Variants in ELMO1 observed in about 807,000 individuals in gnomAD.
ELMO1 encodes engulfment and cell motility protein 1.
Under a neutral mutation model 98.9 loss-of-function variants are expected in ELMO1, and 26 were observed. The observed-to-expected ratio is 0.26, with a 90% CI of 0.19 to 0.36. ELMO1 has a LOEUF of 0.36. Ranked by LOEUF, ELMO1 falls within the 10% of genes least tolerant of loss-of-function variation. ELMO1 has a pLI of 1.00. For synonymous variants in ELMO1, 346 were observed against 346.0 expected (o/e 1.00, Z 0.00); for missense variants, 627 against 935.2 (o/e 0.67, Z 4.30).
chr7:37,039,289 C>T (rs1179689197), intron 15 of ELMO1, among the ~76,000 whole-genome samples: 1 of 152,154 alleles, frequency 6.6e-6, no homozygotes, highest in African/African-American at 2.4e-5. Flanking sequence ...TTTCAAAATG[C>T]TGACATTCTT....
At chr7:37,218,358 C>CTT (rs1212314528) in intron 10 of ELMO1, among the ~76,000 whole-genome samples, 10 of 152,114 alleles carry the variant, frequency 6.6e-5, no homozygotes, top group African/African-American at 2.2e-4. Context: ...CCCTCATGAG[C>CTT]AGAAACTGTC....
intron 13 of ELMO1, among the ~76,000 whole-genome samples, chr7:37,157,692 A>G (rs955509804): frequency 2.0e-5 from 3 of 152,162 alleles, no homozygotes; most frequent in Non-Finnish European, 2.9e-5. Context: ...ATGCTCATGG[A>G]TAGGAAGAAT....
intron 2 of ELMO1, among the ~76,000 whole-genome samples, chr7:37,328,447 AAG>A (rs1436870074): frequency 1.3e-5 from 2 of 149,602 alleles, no homozygotes; most frequent in East Asian, 2.0e-4. Flanking sequence ...CAGCACATGG[AAG>A]AGAGTCAGAA....
chr7:36,860,744 T>A (rs538915554), intron 21 of ELMO1, among the ~76,000 whole-genome samples: 1 of 152,374 alleles, frequency 6.6e-6, no homozygotes, highest in Non-Finnish European at 1.5e-5. Context: ...GTCTTACCCT[T>A]CAGCAAACTA....
chr7:37,210,290 T>C (rs573401994), intron 13 of ELMO1, among the ~76,000 whole-genome samples: 5 of 152,282 alleles, frequency 3.3e-5, no homozygotes, highest in African/African-American at 4.8e-5. Context: ...TTTCAAAGCA[T>C]TGAATCATTT....
At chr7:37,164,072 A>T (rs531706533) in intron 13 of ELMO1, among the ~76,000 whole-genome samples, 1 of 152,110 alleles carries the variant, frequency 6.6e-6, no homozygotes, top group Non-Finnish European at 1.5e-5. Context: ...TTTGATTTGC[A>T]TTTCTCTGAT....
intron 15 of ELMO1, among the ~76,000 whole-genome samples, chr7:37,044,471 C>T (rs1161655905): frequency 1.3e-5 from 2 of 152,224 alleles, no homozygotes; most frequent in Non-Finnish European, 2.9e-5. Flanking sequence ...CTCCACATTA[C>T]CAAATCCAGG....
At chr7:37,376,490 G>A (rs1802352168) in intron 1 of ELMO1, among the ~76,000 whole-genome samples, 1 of 152,170 alleles carries the variant, frequency 6.6e-6, no homozygotes, top group Admixed American at 6.5e-5. Context: ...ATTGGTCTTT[G>A]AGATACGTTT....
intron 14 of ELMO1, among the ~76,000 whole-genome samples, chr7:37,128,108 A>T (rs1342329376): frequency 6.6e-6 from 1 of 152,194 alleles, no homozygotes; most frequent in African/African-American, 2.4e-5. Context: ...CATGAGAATC[A>T]CTTGAACCCA....
rs552945807 is a variant in ELMO1, at chr7:37,178,412, G to C, written c.1086+32974C>G. Among the ~76,000 whole-genome samples the C allele has an allele frequency of 5.5e-5, 8 of 146,050 alleles. 2 individuals are homozygous for C. The highest frequency in any genetic ancestry group is 2.0e-4 in the African/African-American group (8 of 39,266). On this transcript the variant is annotated intron_variant, in intron 13 of 21. Coordinates refer to ENST00000310758, the MANE Select transcript of ELMO1 (RefSeq NM_014800.11). ...TTCCCACAACACACGGGAGTCATGG[G>C]AGCTACAATTCCCCATCTCTTCAAA...
At position 37,224,938 on chromosome 7, in the gene ELMO1, G is replaced by A. The variant is rs764767006; in HGVS notation, c.642C>T (p.Asp214=). 6.2e-7 allele frequency: 1 copy of A among 1,614,120 alleles called. No individual in the cohort carries two copies. Among genetic ancestry groups the A allele is most frequent in the Non-Finnish European group, 8.5e-7 (1 of 1,179,992 alleles). ...TCTCCTGCGCCACTTTCTGGTAGAG[G>A]TCATGGCTATTGAGCACCATCGACT... The part of the protein sequence containing the change: ...ILESMVLNSH[D]LYQKVAQEIT... Residue 214 remains aspartate (D), a synonymous_variant, in exon 9 of 22, where the codon GAC becomes GAT. Coordinates refer to ENST00000310758, the MANE Select transcript of ELMO1 (RefSeq NM_014800.11).
intron 15 of ELMO1, among the ~76,000 whole-genome samples, chr7:37,026,987 A>G (rs113159189): frequency 1.3e-5 from 2 of 152,056 alleles, no homozygotes; most frequent in African/African-American, 4.8e-5. Flanking sequence ...TGTGGCTTTC[A>G]TTATGTTCCA....
At chr7:36,951,538 C>T (rs1425612542) in intron 16 of ELMO1, among the ~76,000 whole-genome samples, 1 of 152,144 alleles carries the variant, frequency 6.6e-6, no homozygotes, top group Non-Finnish European at 1.5e-5. Context: ...CTGGAGGGCT[C>T]ATTAAACACA....
intron 13 of ELMO1, among the ~76,000 whole-genome samples, chr7:37,166,271 G>A (rs1387258012): frequency 6.6e-6 from 1 of 151,936 alleles, no homozygotes; most frequent in Non-Finnish European, 1.5e-5. Flanking sequence ...CAACTTTGTT[G>A]ATCCTTTCAA....
chr7:36,957,251 G>A (rs1160152135), intron 16 of ELMO1, among the ~76,000 whole-genome samples: 3 of 137,278 alleles, frequency 2.2e-5, no homozygotes, highest in Non-Finnish European at 4.4e-5. Context: ...CTCCTGGAAA[G>A]CTTGAAGTTG....
chr7:37,081,217 T>A (rs937650433), intron 15 of ELMO1, among the ~76,000 whole-genome samples: 4 of 152,230 alleles, frequency 2.6e-5, no homozygotes, highest in African/African-American at 9.6e-5. Context: ...ATGGGAGACA[T>A]ACTTTCATAA....
At chr7:37,307,175 G>A (rs1363979776) in intron 4 of ELMO1, among the ~76,000 whole-genome samples, 2 of 152,202 alleles carry the variant, frequency 1.3e-5, no homozygotes, top group East Asian at 3.9e-4. Context: ...CAAAGGGGAA[G>A]TTAAAATTTG....
At chr7:37,293,741 A>ATAATAATAATAATAAT (rs1486966229) in intron 4 of ELMO1, among the ~76,000 whole-genome samples, 3 of 69,476 alleles carry the variant, frequency 4.3e-5, no homozygotes, top group Non-Finnish European at 1.1e-4. Context: ...AATAATAATA[A>ATAATAATAATAATAAT]AAAAAAAGAG....
At chr7:37,242,378 A>T (rs1319083443) in intron 7 of ELMO1, among the ~76,000 whole-genome samples, 1 of 152,172 alleles carries the variant, frequency 6.6e-6, no homozygotes, top group Non-Finnish European at 1.5e-5. Flanking sequence ...AGTTTTTAAC[A>T]TATTTATAAA....
Sources: allele counts gnomAD v4.1 joint callset (sites outside exome capture counted in the v4.1 genomes callset), GRCh38; gene constraint gnomAD v4.1.1; transcripts MANE v1.5; gene names NCBI Gene and HGNC (gene_info 2026-07-23, HGNC 2026-07-21).